The following TYW1 variants were observed in gnomAD, a reference collection of about 807,000 sequenced individuals.
TYW1 encodes the protein S-adenosyl-L-methionine-dependent tRNA 4-demethylwyosine synthase TYW1.
A neutral mutation model predicts 96.2 loss-of-function variants in TYW1; 46 were observed. The observed-to-expected ratio is 0.48, with a 90% CI of 0.38 to 0.61. TYW1 has a LOEUF of 0.61. Ranked by LOEUF, TYW1 falls within the 20% of genes least tolerant of loss-of-function variation. The probability of loss-of-function intolerance (pLI) is 0.00; values close to 1 mark genes in which losing one functional copy is unlikely to be tolerated. For synonymous variants in TYW1, 274 were observed against 323.0 expected (o/e 0.85, Z 1.63); for missense variants, 684 against 909.6 (o/e 0.75, Z 3.19).
At chr7:67,149,011 C>T (rs550775435) in intron 13 of TYW1, among the ~76,000 whole-genome samples, 1 of 152,242 alleles carries the variant, frequency 6.6e-6, no homozygotes, top group East Asian at 1.9e-4. Context: ...CCACCCCCAA[C>T]CCCCGGTCTT....
chr7:67,095,287 C>T (rs1796862603), intron 11 of TYW1, among the ~76,000 whole-genome samples: 1 of 152,026 alleles, frequency 6.6e-6, no homozygotes, highest in Admixed American at 6.6e-5. Flanking sequence ...GCATGAGCTG[C>T]CGTGCCCAAC....
At chr7:67,105,406 C>T (rs970570946) in intron 12 of TYW1, among the ~76,000 whole-genome samples, 7 of 152,186 alleles carry the variant, frequency 4.6e-5, no homozygotes, top group African/African-American at 1.7e-4. Context: ...TCCTTAAGCC[C>T]AGAGGTCTCA....
chr7:67,038,954 C>G (rs56212223), intron 7 of TYW1, among the ~76,000 whole-genome samples: 1 of 152,064 alleles, frequency 6.6e-6, no homozygotes, highest in Non-Finnish European at 1.5e-5. Flanking sequence ...TGGAGCAGTT[C>G]GGATTTTGGC....
intron 13 of TYW1, among the ~76,000 whole-genome samples, chr7:67,144,206 T>C (rs1798533740): frequency 6.6e-6 from 1 of 152,182 alleles, no homozygotes; most frequent in Non-Finnish European, 1.5e-5. Flanking sequence ...AAAGTATCTT[T>C]TATGTGACGC....
chr7:67,177,303 T>C lies in TYW1; in HGVS notation c.1699-5823T>C, dbSNP rs373253917. Reference sequence around the variant, plus strand: ...GCTTATCTTCATGCTCTTGATAGCATGGAATGATCCGTTAAAGAGACACAA... The same window carrying C: ...GCTTATCTTCATGCTCTTGATAGCACGGAATGATCCGTTAAAGAGACACAA... On this transcript the variant is annotated intron_variant, in intron 13 of 15. Coordinates refer to ENST00000359626, the MANE Select transcript of TYW1 (RefSeq NM_018264.4). 2.0e-5 allele frequency among the ~76,000 whole-genome samples: 3 copies of C among 151,648 alleles called. No homozygotes were observed. The East Asian group carries it at 5.8e-4, about 29-fold the overall frequency.
chr7:67,098,571 A>G lies in TYW1; in HGVS notation c.1415A>G (p.Glu472Gly), dbSNP rs749903185. 12 of 1,598,042 alleles carry G rather than the reference A, an allele frequency of 7.5e-6. No individual in the cohort carries two copies. The highest frequency in any genetic ancestry group is 1.0e-5 in the Non-Finnish European group (12 of 1,170,016). ...GVPGVKAERF[E>G]EGMTVKHCAL... ...CCGGGCGTCAAAGCAGAACGCTTTG[A>G]AGAAGGAATGACGGTAAAGCACTGT... The change falls in exon 12 of 16, where the codon GAA (glutamate) becomes GGA (glycine). Residue 472 changes from glutamate to glycine, a missense_variant. Transcript: ENST00000359626.
chr7:67,143,070 T>C (rs1798501218), intron 13 of TYW1, among the ~76,000 whole-genome samples: 1 of 144,682 alleles, frequency 6.9e-6, no homozygotes, highest in African/African-American at 2.6e-5. Flanking sequence ...AAAAAAAAAG[T>C]TTAAAATTAA....
At chr7:67,193,406 A>C (rs1800282331) in intron 14 of TYW1, among the ~76,000 whole-genome samples, 2 of 152,214 alleles carry the variant, frequency 1.3e-5, no homozygotes. Flanking sequence ...GTGAGTCTTC[A>C]TCCAAGTCCC....
At chr7:67,016,853 G>A (rs543420467) in intron 5 of TYW1, among the ~76,000 whole-genome samples, 33 of 152,150 alleles carry the variant, frequency 2.2e-4, no homozygotes, top group Admixed American at 1.6e-3. Flanking sequence ...TGTTGAACTC[G>A]GGCTTGAGCA....
Position 66,996,904 on chromosome 7 carries a change from G to A in TYW1, c.-75G>A. The A allele has an allele frequency of 3.7e-6, 6 of 1,609,774 alleles. No individual in the cohort carries two copies. Among genetic ancestry groups the A allele is most frequent in the South Asian group, 1.1e-5 (1 of 90,374 alleles). Reference sequence around the variant, plus strand: ...CGCTAACGCGGCGAGGTAGCTCGGTGCGTCTCGCGGTACCAGTGCGAATCA... The same window carrying A: ...CGCTAACGCGGCGAGGTAGCTCGGTACGTCTCGCGGTACCAGTGCGAATCA... On this transcript the variant is annotated 5_prime_UTR_variant, in exon 1 of 16. Transcript: ENST00000359626.
chr7:67,093,739 A>C (rs1363967885), intron 11 of TYW1, among the ~76,000 whole-genome samples: 1 of 152,074 alleles, frequency 6.6e-6, no homozygotes, highest in Non-Finnish European at 1.5e-5. Context: ...CATTCTTACA[A>C]TTGCAGTTAC....
chr7:67,011,985 C>T (rs1329898757), intron 4 of TYW1, among the ~76,000 whole-genome samples: 1 of 151,832 alleles, frequency 6.6e-6, no homozygotes, highest in Non-Finnish European at 1.5e-5. Context: ...AGTTTTGCCA[C>T]TGAGGCACAA....
intron 4 of TYW1, among the ~76,000 whole-genome samples, chr7:67,012,662 C>G (rs988128391): frequency 1.3e-5 from 2 of 152,068 alleles, no homozygotes; most frequent in African/African-American, 2.4e-5. Context: ...GCTTTAAAAT[C>G]CAAATTTCTG....
At chr7:67,001,051 CT>C (rs1793369101) in intron 3 of TYW1, among the ~76,000 whole-genome samples, 1 of 151,514 alleles carries the variant, frequency 6.6e-6, no homozygotes, top group Non-Finnish European at 1.5e-5. Context: ...TATAAAAAAC[CT>C]TTTTCAGAGC....
intron 7 of TYW1, among the ~76,000 whole-genome samples, chr7:67,034,889 C>T (rs561694061): frequency 5.9e-5 from 9 of 152,136 alleles, no homozygotes; most frequent in South Asian, 2.1e-4. Context: ...ATTTCCAAAT[C>T]GCCTTGTGAA....
At chr7:67,227,575 T>C (rs1423388038) in intron 15 of TYW1, among the ~76,000 whole-genome samples, 1 of 151,958 alleles carries the variant, frequency 6.6e-6, no homozygotes, top group Admixed American at 6.5e-5. Context: ...AGATATTCTC[T>C]GCCAACCAAA....
chr7:67,042,345 T>G (rs1431261554), intron 7 of TYW1, among the ~76,000 whole-genome samples: 4 of 83,878 alleles, frequency 4.8e-5, no homozygotes, highest in African/African-American at 1.7e-4. Flanking sequence ...TATTTAAGAC[T>G]TCTTCTAGGA....
chr7:67,163,842 T>C (rs1799243670), intron 13 of TYW1, among the ~76,000 whole-genome samples: 1 of 152,074 alleles, frequency 6.6e-6, no homozygotes, highest in Non-Finnish European at 1.5e-5. Context: ...CTAATTTTTG[T>C]ATTTTTAGTA....
intron 5 of TYW1, among the ~76,000 whole-genome samples, chr7:67,016,949 A>C (rs1039791041): frequency 1.3e-5 from 2 of 150,598 alleles, no homozygotes; most frequent in Non-Finnish European, 3.0e-5. Flanking sequence ...CAAATAAATT[A>C]GACTATGATT....
Sources: gnomAD v4.1 joint callset for allele counts (sites outside exome capture counted in the v4.1 genomes callset) on GRCh38, gnomAD v4.1.1 for gene constraint, MANE v1.5 for transcripts, NCBI Gene and HGNC (gene_info 2026-07-23, HGNC 2026-07-21) for gene names.